The following KAT14 variants were observed in gnomAD, a reference collection of about 807,000 sequenced individuals.
The protein encoded by KAT14 is lysine acetyltransferase 14, also known as cysteine-rich protein 2-binding protein.
In KAT14, 66 loss-of-function variants were observed where a neutral mutation model predicts 78.4. The observed-to-expected ratio is 0.84, with a 90% CI of 0.69 to 1.03. The LOEUF (loss-of-function observed/expected upper bound fraction) is 1.03, where lower values mean the gene tolerates loss of function less well. KAT14 is among the 50% of genes least tolerant of loss of function. KAT14 has a pLI of 0.00. For synonymous variants in KAT14, 344 were observed against 359.4 expected (o/e 0.96, Z 0.48); for missense variants, 870 against 972.5 (o/e 0.89, Z 1.40).
intron 3 of KAT14, among the ~76,000 whole-genome samples, chr20:18,146,971 T>C (rs1333712108): frequency 5.9e-5 from 9 of 152,220 alleles, no homozygotes; most frequent in Non-Finnish European, 1.2e-4. Flanking sequence ...ACGAGACAGC[T>C]AAGGCCTCTG....
chr20:18,154,787 T>C (rs781760161), intron 4 of KAT14, among the ~76,000 whole-genome samples: 2 of 152,208 alleles, frequency 1.3e-5, no homozygotes, highest in Non-Finnish European at 2.9e-5. Context: ...AAGATGTATC[T>C]AGCTGTCAGA....
intron 3 of KAT14, among the ~76,000 whole-genome samples, chr20:18,149,059 G>T (rs1249064283): frequency 6.6e-6 from 1 of 152,122 alleles, no homozygotes; most frequent in East Asian, 1.9e-4. Context: ...GTCATAAAAT[G>T]TCTCAATTAT....
At chr20:18,166,083 G>A (rs2038629047) in intron 7 of KAT14, among the ~76,000 whole-genome samples, 1 of 152,216 alleles carries the variant, frequency 6.6e-6, no homozygotes, top group Admixed American at 6.5e-5. Context: ...GATAATCGGT[G>A]CTGCGAAGAA....
chr20:18,148,343 C>T (rs1278985377), intron 3 of KAT14, among the ~76,000 whole-genome samples: 1 of 152,168 alleles, frequency 6.6e-6, no homozygotes, highest in African/African-American at 2.4e-5. Context: ...AATAGCAGTT[C>T]CATACGTAGG....
chr20:18,137,867 C>G lies in KAT14; in HGVS notation c.-638C>G. On this transcript the variant is annotated 5_prime_UTR_variant, in exon 1 of 11. Transcript: ENST00000688188. ...GGGCTCTGCGCTCGAGGGGTCGAGCCTGGGCAGTACAGGCGGCGGTGCGCA... is the reference window on the plus strand; with the variant it reads ...GGGCTCTGCGCTCGAGGGGTCGAGCGTGGGCAGTACAGGCGGCGGTGCGCA... The G allele has an allele frequency of 7.6e-7, 1 of 1,324,098 alleles. No individual in the cohort carries two copies. Among genetic ancestry groups the G allele is most frequent in the Non-Finnish European group, 9.8e-7 (1 of 1,020,058 alleles). The allele number at this position is 1,324,098 out of a possible 1,614,324, so 82.0% of individuals were successfully genotyped here.
At chr20:18,148,671 G>A (rs942007939) in intron 3 of KAT14, among the ~76,000 whole-genome samples, 3 of 151,052 alleles carry the variant, frequency 2.0e-5, no homozygotes, top group Non-Finnish European at 4.4e-5. Flanking sequence ...GTGCAATGGC[G>A]CGATCTTGGC....
At chr20:18,175,154 CCT>C (rs2038990663) in intron 7 of KAT14, among the ~76,000 whole-genome samples, 1 of 152,080 alleles carries the variant, frequency 6.6e-6, no homozygotes, top group South Asian at 2.1e-4. Context: ...CATTTCTCCT[CCT>C]CTCTTTTTCC....
chr20:18,166,237 G>A (rs1195731112), intron 7 of KAT14, among the ~76,000 whole-genome samples: 1 of 152,180 alleles, frequency 6.6e-6, no homozygotes, highest in African/African-American at 2.4e-5. Context: ...CACTTGGGTC[G>A]TCCTTACTGC....
At chr20:18,143,281 G>A in intron 2 of KAT14, 3 of 666,288 alleles carry the variant, frequency 4.5e-6, no homozygotes, top group Non-Finnish European at 5.8e-6. Flanking sequence ...AAATTACTTT[G>A]TTAATATTTA....
Position 18,148,801 on chromosome 20 carries a change from G to T in KAT14, c.379-2020G>T, listed in dbSNP as rs2037927533. 2.6e-5 allele frequency among the ~76,000 whole-genome samples: 4 copies of T among 151,476 alleles called. No individual in the cohort carries two copies. The South Asian group carries it at 6.3e-4, about 24-fold the overall frequency. On this transcript the variant is annotated intron_variant, in intron 3 of 10. Coordinates refer to ENST00000688188, the MANE Select transcript of KAT14 (RefSeq NM_001392073.1). ...ATTTTTGTATTTTTAGTAGAGACGGGGTTTCACCATGTTGGCCAGGCTGGT... is the reference window on the plus strand; with the variant it reads ...ATTTTTGTATTTTTAGTAGAGACGGTGTTTCACCATGTTGGCCAGGCTGGT...
chr20:18,148,564 G>C (rs1386075403), intron 3 of KAT14, among the ~76,000 whole-genome samples: 2 of 151,936 alleles, frequency 1.3e-5, no homozygotes, highest in Non-Finnish European at 1.5e-5. Flanking sequence ...TGATGAGCTT[G>C]GTCTGGTAAC....
At chr20:18,156,594 TC>T (rs1341659449) in intron 4 of KAT14, among the ~76,000 whole-genome samples, 1 of 152,208 alleles carries the variant, frequency 6.6e-6, no homozygotes, top group African/African-American at 2.4e-5. Context: ...AGAAATGTAT[TC>T]TAGTTCTAGA....
chr20:18,161,207 A>G (rs2038408300), intron 5 of KAT14, among the ~76,000 whole-genome samples: 1 of 150,456 alleles, frequency 6.6e-6, no homozygotes, highest in Non-Finnish European at 1.5e-5. Flanking sequence ...TGAAATGCCC[A>G]TGAAAATGCC....
chr20:18,177,889 G>T (rs1400721994), intron 7 of KAT14, among the ~76,000 whole-genome samples: 6 of 152,130 alleles, frequency 3.9e-5, no homozygotes, highest in Non-Finnish European at 7.4e-5. Flanking sequence ...CTTGGGGTTT[G>T]AAATGAAACA....
chr20:18,184,202 G>A (rs561625242), intron 9 of KAT14, among the ~76,000 whole-genome samples: 3 of 152,144 alleles, frequency 2.0e-5, no homozygotes, highest in Non-Finnish European at 4.4e-5. Context: ...GATAGAACAC[G>A]CTCGGAGGAT....
chr20:18,172,902 G>C (rs1166688804), intron 7 of KAT14, among the ~76,000 whole-genome samples: 1 of 152,168 alleles, frequency 6.6e-6, no homozygotes, highest in Non-Finnish European at 1.5e-5. Context: ...ATAGCTCTGT[G>C]AGTAGTTCTC....
intron 4 of KAT14, among the ~76,000 whole-genome samples, chr20:18,152,002 C>CAAA (rs201621092): frequency 2.7e-5 from 2 of 73,910 alleles, no homozygotes; most frequent in African/African-American, 1.1e-4. Flanking sequence ...GACTCCATCT[C>CAAA]AAAAAAAAAA....
In KAT14 at chr20:18,187,412, G is replaced by A. The variant is rs2039483610; in HGVS notation, c.2299G>A (p.Glu767Lys). The A allele has an allele frequency of 6.2e-7, 1 of 1,614,200 alleles. No individual in the cohort carries two copies. The highest frequency in any genetic ancestry group is 2.2e-5 in the East Asian group (1 of 44,888). Residue 767 changes from glutamate (E) to lysine (K), a missense_variant, in exon 11 of 11, where the codon GAG (glutamate) becomes AAG (lysine). By Grantham distance (56) the Glu-to-Lys change is moderately conservative. Transcript: ENST00000688188. Reference sequence around the variant, plus strand: ...TTTCTATGATAAATATTACCCATTGGAGAGTACAGAGTGTAAACACGCATT... The same window carrying A: ...TTTCTATGATAAATATTACCCATTGAAGAGTACAGAGTGTAAACACGCATT... ...LDFYDKYYPL[E>K]STECKHAFFL...
chr20:18,154,768 A>G (rs945601157), intron 4 of KAT14, among the ~76,000 whole-genome samples: 39 of 152,322 alleles, frequency 2.6e-4, no homozygotes, highest in African/African-American at 8.2e-4. Flanking sequence ...ATGACATATC[A>G]GTAACTATAA....
Sources: gnomAD v4.1 joint callset for allele counts (sites outside exome capture counted in the v4.1 genomes callset) on GRCh38, gnomAD v4.1.1 for gene constraint, MANE v1.5 for transcripts, NCBI Gene and HGNC (gene_info 2026-07-23, HGNC 2026-07-21) for gene names.